The following PPP6R2 variants were observed in gnomAD, a reference collection of about 807,000 sequenced individuals.
PPP6R2 encodes serine/threonine-protein phosphatase 6 regulatory subunit 2.
Under a neutral mutation model 100.2 loss-of-function variants are expected in PPP6R2, and 62 were observed. That is an observed-to-expected ratio of 0.62 (90% CI 0.50 to 0.76). The LOEUF is 0.76. Ranked by LOEUF, PPP6R2 falls within the 30% of genes least tolerant of loss-of-function variation. The probability of loss-of-function intolerance (pLI) is 0.00; values close to 1 mark genes in which losing one functional copy is unlikely to be tolerated. For missense variants in PPP6R2, 1,142 were observed against 1,276.3 expected (o/e 0.89, Z 1.60); for synonymous variants, 525 against 514.7 (o/e 1.02, Z -0.27).
intron 22 of PPP6R2, among the ~76,000 whole-genome samples, chr22:50,441,257 G>C (rs1488507076): frequency 6.6e-6 from 1 of 152,218 alleles, no homozygotes; most frequent in African/African-American, 2.4e-5. Flanking sequence ...TTCGTGGACA[G>C]AACATCGTGT....
At chr22:50,335,678 A>ATTTTTTTTTTT in the PPP6R2 span, among the ~76,000 whole-genome samples, 6 of 128,944 alleles carry the variant, frequency 4.7e-5, no homozygotes, top group East Asian at 2.3e-4. Context: ...CACCCAACTA[A>ATTTTTTTTTTT]TTTTTTTTTT....
chr22:50,406,572 C>T, intron 3 of PPP6R2, 117 bp from the exon 4 acceptor site: 1 of 915,370 alleles, frequency 1.1e-6, no homozygotes, highest in African/African-American at 1.7e-5. Context: ...GTTCTGAGGT[C>T]TGTAGTGTTT....
chr22:50,370,693 G>A (rs1397046426), intron 1 of PPP6R2, among the ~76,000 whole-genome samples: 1 of 151,420 alleles, frequency 6.6e-6, no homozygotes, highest in Non-Finnish European at 1.5e-5. Context: ...GAGTGCAGTG[G>A]CGTGATCTCG....
At chr22:50,434,912 G>C in intron 12 of PPP6R2, 54 bp from the exon 13 acceptor site, 1 of 1,515,302 alleles carries the variant, frequency 6.6e-7, no homozygotes, top group Non-Finnish European at 8.9e-7. Flanking sequence ...CTGGGTCGTG[G>C]GTCTGGCAAG....
At chr22:50,355,545 G>A (rs1417164165) in intron 1 of PPP6R2, among the ~76,000 whole-genome samples, 1 of 125,906 alleles carries the variant, frequency 7.9e-6, no homozygotes, top group Non-Finnish European at 1.6e-5. Context: ...TTTTGAGATA[G>A]AGTCTCGCTC....
At position 50,423,875 on chromosome 22, in the gene PPP6R2, C is replaced by A. The variant is rs2061645478; in HGVS notation, c.1125+261C>A. Among the ~76,000 whole-genome samples, 1 of 152,164 alleles carries A rather than the reference C, an allele frequency of 6.6e-6. No homozygotes were observed. The highest frequency in any genetic ancestry group is 1.5e-5 in the Non-Finnish European group (1 of 68,038). ...TGAAAGCAGAAGGCGGATTTCTAAC[C>A]CGGTTTGATGGAATAGAGTGACACG... is the stretch of plus-strand genomic sequence containing the variant. On this transcript the variant is annotated intron_variant, in intron 10 of 23. Transcript: ENST00000612753. This position sits in a 1 kb window ranked among gnomAD's most constrained non-coding sequence, Gnocchi z 4.8.
chr22:50,409,504 C>T (rs1239474986), intron 4 of PPP6R2, among the ~76,000 whole-genome samples: 1 of 151,384 alleles, frequency 6.6e-6, no homozygotes, highest in Non-Finnish European at 1.5e-5. Flanking sequence ...CTCAGCTCAC[C>T]ACAACCTCCG....
chr22:50,433,847 C>T (rs2063639954), intron 12 of PPP6R2, among the ~76,000 whole-genome samples: 2 of 27,410 alleles, frequency 7.3e-5, no homozygotes, highest in Admixed American at 6.8e-4. Context: ...GGAGGAGGGC[C>T]GGGGGCATGG....
chr22:50,431,360 C>T lies in PPP6R2; in HGVS notation c.1313C>T (p.Pro438Leu), dbSNP rs772812142. ...LETPQPAASL[P>L]DNTMVTHLFQ... ...ACTCCCCAGCCGGCCGCCAGCCTCC[C>T]TGACAACACAATGGTGACCCACGTG... Residue 438 changes from proline (P) to leucine (L), a missense_variant, in exon 11 of 24, where the codon CCT becomes CTT. Pro to Leu is a moderately conservative substitution (Grantham distance 98). Around this residue, in one of 2 missense-constraint regions of PPP6R2, gnomAD observed 592 missense variants for 758.9 expected, o/e 0.78. Transcript: ENST00000612753. This position sits in a 1 kb window ranked among gnomAD's most constrained non-coding sequence, Gnocchi z 4.8. 5.6e-6 allele frequency: 9 copies of T among 1,612,782 alleles called. No individual in the cohort carries two copies. Among genetic ancestry groups the T allele is most frequent in the Admixed American group, 3.3e-5 (2 of 60,014 alleles).
chr22:50,373,854 C>T (rs2050846940), intron 2 of PPP6R2, among the ~76,000 whole-genome samples: 2 of 152,124 alleles, frequency 1.3e-5, no homozygotes, highest in African/African-American at 4.8e-5. Flanking sequence ...CTGCGTCAGC[C>T]TCCCGAATAG....
intron 3 of PPP6R2, among the ~76,000 whole-genome samples, chr22:50,403,235 G>A (rs1470681360): frequency 6.6e-6 from 1 of 152,124 alleles, no homozygotes; most frequent in Non-Finnish European, 1.5e-5. Flanking sequence ...TTTGTTCCCT[G>A]TGGTATTGAG....
chr22:50,337,874 TATGTGTG>T, the PPP6R2 span, among the ~76,000 whole-genome samples: 5 of 133,788 alleles, frequency 3.7e-5, no homozygotes, highest in African/African-American at 1.4e-4. Flanking sequence ...GTGTGTGGTG[TATGTGTG>T]GTGTGTGGTG....
rs371587794 is a variant in PPP6R2, at chr22:50,438,280, G to A, written c.1946G>A (p.Arg649Gln). 1.2e-6 allele frequency: 2 copies of A among 1,612,884 alleles called. No homozygotes were observed. The highest frequency in any genetic ancestry group is 1.3e-5 in the African/African-American group (1 of 74,882). ...WEDSDTRCAA[R>Q]VMARPRFGAP... ...GACAGTGACACTCGCTGTGCTGCCCGGGTGATGGCCAGACCCAGGTGCGGG... is the reference window on the plus strand; with the variant it reads ...GACAGTGACACTCGCTGTGCTGCCCAGGTGATGGCCAGACCCAGGTGCGGG... Residue 649 changes from arginine (R) to glutamine (Q), a missense_variant, in exon 18 of 24, where the codon CGG becomes CAG. Physicochemically the swap from Arg to Gln is conservative, Grantham distance 43. Coordinates refer to ENST00000612753, the MANE Select transcript of PPP6R2 (RefSeq NM_001242898.2).
the PPP6R2 span, among the ~76,000 whole-genome samples, chr22:50,332,415 A>AGT: frequency 6.6e-6 from 1 of 151,768 alleles, no homozygotes; most frequent in Non-Finnish European, 1.5e-5. Context: ...TATTTTTAGT[A>AGT]GAAGCGGGGT....
intron 2 of PPP6R2, among the ~76,000 whole-genome samples, chr22:50,376,796 T>C (rs2051673738): frequency 6.6e-6 from 1 of 152,116 alleles, no homozygotes; most frequent in African/African-American, 2.4e-5. Flanking sequence ...TCCCAGCAGT[T>C]TGGGAGGCCG....
chr22:50,441,706 T>G (rs1207100579), intron 22 of PPP6R2, among the ~76,000 whole-genome samples: 3 of 151,922 alleles, frequency 2.0e-5, no homozygotes, highest in Admixed American at 1.3e-4. Context: ...AGAGGGAGGC[T>G]CTCCCTGTGA....
At chr22:50,338,732 AGTG>A (rs2042332653), upstream of PPP6R2, among the ~76,000 whole-genome samples, 1 of 61,772 alleles carries the variant, frequency 1.6e-5, no homozygotes. Flanking sequence ...TGTGGTGTGT[AGTG>A]TGTGTGTTAT....
At chr22:50,365,725 A>C (rs1383264632) in intron 1 of PPP6R2, among the ~76,000 whole-genome samples, 2 of 136,892 alleles carry the variant, frequency 1.5e-5, no homozygotes, top group African/African-American at 6.3e-5. Context: ...TCAATTCTTT[A>C]TTTATTATTA....
chr22:50,429,188 G>A (rs2062716697), intron 10 of PPP6R2, among the ~76,000 whole-genome samples: 1 of 152,078 alleles, frequency 6.6e-6, no homozygotes, highest in Non-Finnish European at 1.5e-5. Flanking sequence ...GTGCCACCAT[G>A]CCCGGCTAAT....
Sources: allele counts gnomAD v4.1 joint callset (sites outside exome capture counted in the v4.1 genomes callset), GRCh38; gene constraint gnomAD v4.1.1; regional missense constraint gnomAD v4.1.1; non-coding constraint Gnocchi (gnomAD v3.1); transcripts MANE v1.5; gene names NCBI Gene and HGNC (gene_info 2026-07-23, HGNC 2026-07-21).